CTNNA3: variants seen among roughly 807,000 people sequenced by gnomAD.
CTNNA3 encodes the protein catenin alpha 3.
A neutral mutation model predicts 95.7 loss-of-function variants in CTNNA3; 76 were observed. The ratio of observed to expected loss-of-function variants is 0.79; its 90% confidence interval spans 0.66 to 0.96. The LOEUF (loss-of-function observed/expected upper bound fraction) is 0.96, where lower values mean the gene tolerates loss of function less well. Ranked by LOEUF, CTNNA3 falls within the 40% of genes least tolerant of loss-of-function variation. The probability of loss-of-function intolerance (pLI) is 0.00; values close to 1 mark genes in which losing one functional copy is unlikely to be tolerated. For synonymous variants in CTNNA3, 431 were observed against 374.4 expected, an observed-to-expected ratio of 1.15 and a Z score of -1.74; for missense variants, 1,191 against 1,089.8, an observed-to-expected ratio of 1.09 and a Z score of -1.31.
At chr10:66,967,100 G>A (rs1849464389) in intron 7 of CTNNA3, among the ~76,000 whole-genome samples, 2 of 151,980 alleles carry the variant, frequency 1.3e-5, no homozygotes, top group Admixed American at 1.3e-4. Context: ...ACTCCATTAG[G>A]AACGTTGATG....
At chr10:66,842,841 G>A (rs537571810) in intron 7 of CTNNA3, among the ~76,000 whole-genome samples, 1 of 152,208 alleles carries the variant, frequency 6.6e-6, no homozygotes, top group Non-Finnish European at 1.5e-5. Flanking sequence ...CACTGAGGTT[G>A]AAGAGACTGA....
intron 13 of CTNNA3, among the ~76,000 whole-genome samples, chr10:66,231,662 G>A (rs1044197321): frequency 1.3e-5 from 2 of 152,150 alleles, no homozygotes; most frequent in African/African-American, 4.8e-5. Flanking sequence ...TAAAATATCT[G>A]GGAATGGGTA....
chr10:66,767,595 A>G (rs1839920768), intron 8 of CTNNA3, among the ~76,000 whole-genome samples: 1 of 152,074 alleles, frequency 6.6e-6, no homozygotes, highest in East Asian at 1.9e-4. Context: ...TAGCTGTCAG[A>G]CAGAAAAATG....
intron 10 of CTNNA3, among the ~76,000 whole-genome samples, chr10:66,597,963 A>T (rs1286471397): frequency 6.6e-6 from 1 of 152,050 alleles, no homozygotes; most frequent in Non-Finnish European, 1.5e-5. Context: ...GCTATTAGAC[A>T]CCGTTAGAAA....
At chr10:67,306,139 C>T (rs940321086) in intron 5 of CTNNA3, among the ~76,000 whole-genome samples, 1 of 151,978 alleles carries the variant, frequency 6.6e-6, no homozygotes, top group Non-Finnish European at 1.5e-5. Flanking sequence ...GCTTAACAGT[C>T]AGGGATAGAA....
At chr10:66,819,266 C>T (rs1039501474) in intron 7 of CTNNA3, among the ~76,000 whole-genome samples, 8 of 151,992 alleles carry the variant, frequency 5.3e-5, no homozygotes, top group Non-Finnish European at 1.2e-4. Flanking sequence ...ACAAATGGGT[C>T]TGGGACAACT....
chr10:66,911,556 A>C (rs527970269), intron 7 of CTNNA3, among the ~76,000 whole-genome samples: 26 of 152,284 alleles, frequency 1.7e-4, no homozygotes, highest in Admixed American at 1.5e-3. Context: ...TTTGACTTCA[A>C]AGAAGACAGA....
At chr10:67,332,127 G>A (rs1003397564) in intron 5 of CTNNA3, among the ~76,000 whole-genome samples, 5 of 152,152 alleles carry the variant, frequency 3.3e-5, no homozygotes, top group Admixed American at 2.6e-4. Flanking sequence ...TTAGTCTAAT[G>A]AGATGTAGAC....
At chr10:66,060,061 A>G (rs566745764) in intron 15 of CTNNA3, among the ~76,000 whole-genome samples, 1 of 152,176 alleles carries the variant, frequency 6.6e-6, no homozygotes, top group African/African-American at 2.4e-5. Flanking sequence ...TTTTTCTGCA[A>G]CTTTTAAGGA....
intron 13 of CTNNA3, among the ~76,000 whole-genome samples, chr10:66,162,214 TTTC>T (rs1416434194): frequency 6.6e-6 from 1 of 152,106 alleles, no homozygotes; most frequent in South Asian, 2.1e-4. Flanking sequence ...AAATCAAGGA[TTTC>T]TTCTTGGTTT....
intron 5 of CTNNA3, among the ~76,000 whole-genome samples, chr10:67,235,967 T>C (rs965034388): frequency 6.8e-6 from 1 of 147,392 alleles, no homozygotes; most frequent in Non-Finnish European, 1.5e-5. Context: ...TGAGATATCA[T>C]CTCACACCAG....
At chr10:67,554,475 T>A (rs12250240) in intron 3 of CTNNA3, among the ~76,000 whole-genome samples, 8,757 of 152,304 alleles carry the variant, frequency 0.057, 269 homozygotes, top group South Asian at 0.14. Context: ...GGTATCTCAT[T>A]GTGGTTTTGA....
At chr10:67,332,259 T>C (rs1243139382) in intron 5 of CTNNA3, among the ~76,000 whole-genome samples, 1 of 152,208 alleles carries the variant, frequency 6.6e-6, no homozygotes, top group African/African-American at 2.4e-5. Context: ...TTTGAAACTT[T>C]ATAAAGTGAA....
At position 66,036,881 on chromosome 10, in the gene CTNNA3, T is replaced by A. The variant is rs978849750; in HGVS notation, c.2159+32427A>T. ...GTTCCAATTTTTTTTTTTTTTTTTT[T>A]TTTTTTTTTGAGACTGAGTCTCGCC... is the stretch of plus-strand genomic sequence containing the variant. On this transcript the variant is annotated intron_variant, in intron 15 of 17. Coordinates refer to ENST00000433211, the MANE Select transcript of CTNNA3 (RefSeq NM_013266.4). Among the ~76,000 whole-genome samples, 51 of 141,062 alleles carry A rather than the reference T, an allele frequency of 3.6e-4. 1 individual carries two copies. Among genetic ancestry groups the A allele is most frequent in the East Asian group, 2.1e-3 (10 of 4,796 alleles). The allele number at this position is 141,062 out of a possible 152,430, so 92.5% of individuals were successfully genotyped here. A position where few individuals can be genotyped will look rare whatever the true frequency, so the allele number is the denominator to read the frequency against.
At chr10:66,783,509 C>T (rs990111336) in intron 7 of CTNNA3, among the ~76,000 whole-genome samples, 2 of 152,054 alleles carry the variant, frequency 1.3e-5, no homozygotes, top group Non-Finnish European at 2.9e-5. Flanking sequence ...TGATGCCTGA[C>T]CCAGCAGCCA....
chr10:66,211,990 T>G (rs972945054), intron 13 of CTNNA3, among the ~76,000 whole-genome samples: 1 of 141,462 alleles, frequency 7.1e-6, no homozygotes, highest in African/African-American at 2.7e-5. Flanking sequence ...TGGGTTTTTT[T>G]TTTTTTTTTT....
chr10:66,603,981 A>C (rs1370242462), intron 10 of CTNNA3, among the ~76,000 whole-genome samples: 1 of 152,156 alleles, frequency 6.6e-6, no homozygotes, highest in East Asian at 1.9e-4. Flanking sequence ...AGCTTCTAGA[A>C]GACAATATTT....
At chr10:66,925,219 C>G (rs994755760) in intron 7 of CTNNA3, among the ~76,000 whole-genome samples, 1 of 152,122 alleles carries the variant, frequency 6.6e-6, no homozygotes, top group African/African-American at 2.4e-5. Flanking sequence ...GTTACCTCCC[C>G]AAGTCTGTTT....
intron 15 of CTNNA3, among the ~76,000 whole-genome samples, chr10:66,032,296 T>A (rs2079465183): frequency 2.6e-5 from 4 of 152,164 alleles, no homozygotes; most frequent in Non-Finnish European, 5.9e-5. Context: ...CTTTTGCATG[T>A]GAAAAAACCC....
Sources: gnomAD v4.1 joint callset for allele counts (sites outside exome capture counted in the v4.1 genomes callset) on GRCh38, gnomAD v4.1.1 for gene constraint, MANE v1.5 for transcripts, NCBI Gene and HGNC (gene_info 2026-07-23, HGNC 2026-07-21) for gene names.